Variants in FGF13 observed in about 807,000 individuals in gnomAD.
FGF13 encodes the protein fibroblast growth factor 13.
Under a neutral mutation model 19.5 loss-of-function variants are expected in FGF13, and 2 were observed. The observed-to-expected ratio is 0.10, with a 90% CI of 0.04 to 0.32. The LOEUF is 0.32. Ranked by LOEUF, FGF13 falls within the 10% of genes least tolerant of loss-of-function variation. FGF13 has a pLI of 1.00. For missense variants in FGF13, 113 were observed against 192.7 expected (o/e 0.59, Z 2.45); for synonymous variants, 72 against 76.9 (o/e 0.94, Z 0.33).
chrX:139,027,618 T>G (rs2092205588), intron 1 of FGF13, among the ~76,000 whole-genome samples: 1 of 112,341 alleles, frequency 8.9e-6, no homozygotes, highest in South Asian at 3.6e-4. Flanking sequence ...TGGATTAACA[T>G]CTGTTCTTCT....
At chrX:139,146,318 C>A (rs1161108566) in intron 1 of FGF13, among the ~76,000 whole-genome samples, 3 of 112,104 alleles carry the variant, frequency 2.7e-5, no homozygotes, top group African/African-American at 6.5e-5. Flanking sequence ...AGGATATGAA[C>A]AGACACTTCT....
chrX:138,681,647 A>T (rs1284215465), intron 3 of FGF13, among the ~76,000 whole-genome samples: 1 of 112,458 alleles, frequency 8.9e-6, no homozygotes, highest in African/African-American at 3.2e-5. Context: ...AGCTTTTGAC[A>T]TGCCCTTCCT....
chrX:138,893,250 T>C (rs1226728033), intron 1 of FGF13, among the ~76,000 whole-genome samples: 1 of 111,553 alleles, frequency 9.0e-6, no homozygotes, highest in East Asian at 2.8e-4. Context: ...CCAGATCCTT[T>C]GCTTTTTGAG....
At chrX:138,871,199 G>C (rs2091355579) in intron 1 of FGF13, among the ~76,000 whole-genome samples, 1 of 112,432 alleles carries the variant, frequency 8.9e-6, no homozygotes. Flanking sequence ...AATTGACACA[G>C]CTTCACTGTA....
intron 3 of FGF13, among the ~76,000 whole-genome samples, chrX:138,680,679 T>C (rs548076459): frequency 2.7e-5 from 3 of 111,857 alleles, no homozygotes; most frequent in African/African-American, 9.7e-5. Flanking sequence ...TTTCCATTTA[T>C]AGATTAGAAG....
intron 1 of FGF13, among the ~76,000 whole-genome samples, chrX:138,920,909 G>A (rs895969590): frequency 9.0e-6 from 1 of 111,551 alleles, no homozygotes; most frequent in Non-Finnish European, 1.9e-5. Flanking sequence ...TATTATGTAA[G>A]CAGTTTAGCC....
At position 138,908,705 on chromosome X, in the gene FGF13, C is replaced by A. The variant is rs139236731; in HGVS notation, c.-112-44055G>T. ...TACCAGAGTTGCCATGTGCTGCGGG[C>A]GCTAATCCTTTCAGCAGGGTTCTGA... On this transcript the variant is annotated intron_variant, in intron 1 of 2. Coordinates refer to the FGF13 transcript ENST00000421460. Among the ~76,000 whole-genome samples, 515 of 111,872 alleles carry A rather than the reference C, an allele frequency of 4.6e-3. 5 individuals are homozygous for A. The highest frequency in any genetic ancestry group is 0.016 in the African/African-American group (493 of 30,798).
In FGF13 at chrX:138,625,563, T is replaced by A. The variant is rs1360063762; in HGVS notation, c.*7287A>T. The A allele has an allele frequency of 1.0e-5, 1 of 99,453 alleles. No homozygotes were observed. Among genetic ancestry groups the A allele is most frequent in the Non-Finnish European group, 2.0e-5 (1 of 50,384 alleles). The allele number at this position is 99,453 out of a possible 1,213,427, so 8.2% of individuals were successfully genotyped here. A position where few individuals can be genotyped will look rare whatever the true frequency, so the allele number is the denominator to read the frequency against. On this transcript the variant is annotated 3_prime_UTR_variant, in exon 5 of 5. Transcript: ENST00000315930. ...ATATAAAGAGGGAGCTCCTTCCATT[T>A]ACATAAACATGGATGAAACTTCAGA...
chrX:138,772,731 G>A (rs1387087418), intron 3 of FGF13, among the ~76,000 whole-genome samples: 1 of 111,216 alleles, frequency 9.0e-6, no homozygotes, highest in Non-Finnish European at 1.9e-5. Flanking sequence ...TTTAGGCCAA[G>A]CCACTTTTTC....
chrX:139,061,141 C>T (rs1417959934), intron 1 of FGF13, among the ~76,000 whole-genome samples: 1 of 111,882 alleles, frequency 8.9e-6, no homozygotes, highest in Non-Finnish European at 1.9e-5. Flanking sequence ...GGCTCTGCAG[C>T]TACCTAAATA....
At chrX:138,957,771 T>C (rs965697047) in intron 1 of FGF13, among the ~76,000 whole-genome samples, 8 of 111,790 alleles carry the variant, frequency 7.2e-5, no homozygotes, top group African/African-American at 2.6e-4. Context: ...TTTATTCTCT[T>C]TGAAGCAATT....
In FGF13 at chrX:138,622,907, C is replaced by G. The variant is rs2089026315; in HGVS notation, c.*9943G>C. ...TTTCTGTAATATTAATTCTTCCAAT[C>G]TATGAACAAAGGGATCTGTTCCATT... On this transcript the variant is annotated 3_prime_UTR_variant, in exon 5 of 5. Coordinates refer to ENST00000315930, the MANE Select transcript of FGF13 (RefSeq NM_004114.5). The G allele has an allele frequency of 8.9e-6, 1 of 111,920 alleles. No homozygotes were observed. The highest frequency in any genetic ancestry group is 1.9e-5 in the Non-Finnish European group (1 of 53,156). The allele number at this position is 111,920 out of a possible 1,213,427, so 9.2% of individuals were successfully genotyped here.
rs889411565 is a variant in FGF13, at chrX:139,042,248, G to C, written c.-113+161168C>G. 9.8e-5 allele frequency among the ~76,000 whole-genome samples: 11 copies of C among 112,140 alleles called. No homozygotes were observed. In the East Asian group the frequency reaches 3.1e-3, roughly 31 times the overall value. Reference sequence around the variant, plus strand: ...TCTTAGCAAGAGATGGGTGTTCTCTGTGGCCCACACTAATGTGATATCCAA... The same window carrying C: ...TCTTAGCAAGAGATGGGTGTTCTCTCTGGCCCACACTAATGTGATATCCAA... On this transcript the variant is annotated intron_variant, in intron 1 of 2. Coordinates refer to the FGF13 transcript ENST00000421460.
chrX:139,039,501 C>A (rs958079191), intron 1 of FGF13, among the ~76,000 whole-genome samples: 1 of 111,510 alleles, frequency 9.0e-6, no homozygotes, highest in Non-Finnish European at 1.9e-5. Flanking sequence ...CATGCTATAA[C>A]CAGAGGAGAA....
chrX:138,664,736 C>T (rs1349895208), intron 3 of FGF13, among the ~76,000 whole-genome samples: 1 of 110,889 alleles, frequency 9.0e-6, no homozygotes, highest in Non-Finnish European at 1.9e-5. Flanking sequence ...GAAGCAGTGG[C>T]AGAAGGACCA....
intron 3 of FGF13, among the ~76,000 whole-genome samples, chrX:138,772,268 A>G (rs2090552589): frequency 9.2e-6 from 1 of 108,721 alleles, no homozygotes; most frequent in Non-Finnish European, 1.9e-5. Context: ...CAGAAATTAG[A>G]CTTGTTAATA....
intron 1 of FGF13, among the ~76,000 whole-genome samples, chrX:139,095,943 A>G (rs952967411): frequency 3.6e-5 from 4 of 111,745 alleles, no homozygotes; most frequent in Non-Finnish European, 7.5e-5. Context: ...AAGAAACACA[A>G]TAAGAAAAAT....
At chrX:139,145,983 G>C (rs1315752235) in intron 1 of FGF13, among the ~76,000 whole-genome samples, 1 of 111,831 alleles carries the variant, frequency 8.9e-6, no homozygotes, top group Non-Finnish European at 1.9e-5. Context: ...ATGGATTAAA[G>C]ACTTAAATGT....
intron 1 of FGF13, among the ~76,000 whole-genome samples, chrX:139,036,244 T>C (rs2092250237): frequency 9.0e-6 from 1 of 111,560 alleles, no homozygotes; most frequent in Non-Finnish European, 1.9e-5. Flanking sequence ...AGAGCCCAGA[T>C]GCTGTCATAT....
Sources: gnomAD v4.1 joint callset for allele counts (sites outside exome capture counted in the v4.1 genomes callset) on GRCh38, gnomAD v4.1.1 for gene constraint, MANE v1.5 for transcripts, NCBI Gene and HGNC (gene_info 2026-07-23, HGNC 2026-07-21) for gene names.